Variants in RTL4 observed in about 807,000 individuals in gnomAD.
RTL4 encodes the protein retrotransposon Gag like 4, also known as retrotransposon Gag-like protein 4.
In RTL4, 4 loss-of-function variants were observed where a neutral mutation model predicts 5.3. That is an observed-to-expected ratio of 0.75 (90% CI 0.37 to 1.72). The LOEUF is 1.72. Ranked by LOEUF, RTL4 falls within the 40% of genes most tolerant of loss-of-function variation. The pLI is 0.04. For missense variants in RTL4, 260 were observed against 227.1 expected (o/e 1.14, Z -0.93); for synonymous variants, 98 against 87.3 (o/e 1.12, Z -0.68).
chrX:112,376,586 C>T, the RTL4 span, among the ~76,000 whole-genome samples: 4 of 112,267 alleles, frequency 3.6e-5, no homozygotes, highest in African/African-American at 1.3e-4. Context: ...GGGTACTAGT[C>T]ACTATCATGT....
At chrX:112,267,430 A>G in the RTL4 span, among the ~76,000 whole-genome samples, 7 of 111,280 alleles carry the variant, frequency 6.3e-5, no homozygotes, top group Non-Finnish European at 3.8e-5. Context: ...TTCTTCTCCT[A>G]TCTTACTGGT....
chrX:112,156,019 TTTAGTGG>T, the RTL4 span, among the ~76,000 whole-genome samples: 1 of 112,345 alleles, frequency 8.9e-6, no homozygotes, highest in Non-Finnish European at 1.9e-5. Flanking sequence ...ACTTACAGCA[TTTAGTGG>T]CTATTGGCCA....
At chrX:112,345,814 C>T in the RTL4 span, among the ~76,000 whole-genome samples, 1 of 111,465 alleles carries the variant, frequency 9.0e-6, no homozygotes, top group African/African-American at 3.3e-5. Context: ...CAATTTGACC[C>T]CTAGTTCTGG....
chrX:112,307,309 G>A, the RTL4 span, among the ~76,000 whole-genome samples: 2 of 111,823 alleles, frequency 1.8e-5, no homozygotes, highest in East Asian at 5.6e-4. Context: ...ATTCAGAAAG[G>A]TTAACTTGTC....
chrX:112,455,335 G>T, exon 1 of RTL4: 1 of 1,211,544 alleles, frequency 8.3e-7, no homozygotes, highest in Non-Finnish European at 1.1e-6. Flanking sequence ...TGATATGATG[G>T]ACAATCTTCC....
the RTL4 span, among the ~76,000 whole-genome samples, chrX:112,233,830 A>G: frequency 1.8e-5 from 2 of 111,869 alleles, no homozygotes; most frequent in Non-Finnish European, 3.8e-5. Context: ...TAGACATACA[A>G]CAAGTACCAA....
the RTL4 span, among the ~76,000 whole-genome samples, chrX:112,143,502 A>G: frequency 1.8e-5 from 2 of 111,672 alleles, no homozygotes; most frequent in African/African-American, 3.3e-5. Flanking sequence ...CTTGTTCCCA[A>G]TTAGGATACA....
At chrX:112,204,326 A>C in the RTL4 span, among the ~76,000 whole-genome samples, 4 of 111,648 alleles carry the variant, frequency 3.6e-5, no homozygotes, top group African/African-American at 1.3e-4. Flanking sequence ...CTATATACCC[A>C]AAAAAAAGGA....
the RTL4 span, among the ~76,000 whole-genome samples, chrX:112,169,026 CTCTTTCTTTCTTTCTT>C: frequency 1.0e-4 from 5 of 49,062 alleles, no homozygotes; most frequent in African/African-American, 1.6e-4. Context: ...CTTTCTCTTT[CTCTTTCTTTCTTTCTT>C]TCTTTCTTTC....
the RTL4 span, among the ~76,000 whole-genome samples, chrX:112,350,336 G>C: frequency 9.5e-6 from 1 of 104,806 alleles, no homozygotes; most frequent in South Asian, 4.2e-4. Context: ...TTTTTTGGTT[G>C]TGTCTCTGCC....
chrX:112,352,601 G>C, the RTL4 span, among the ~76,000 whole-genome samples: 1 of 111,246 alleles, frequency 9.0e-6, no homozygotes, highest in African/African-American at 3.3e-5. Context: ...TATTTAATAA[G>C]TGGTGCTGGG....
chrX:112,390,106 A>ATAAT, the RTL4 span, among the ~76,000 whole-genome samples: 1 of 17,387 alleles, frequency 5.8e-5, no homozygotes, highest in African/African-American at 2.2e-4. Context: ...ATTTATATAT[A>ATAAT]ATATATATAT....
chrX:112,418,780 G>A, the RTL4 span, among the ~76,000 whole-genome samples: 2 of 109,289 alleles, frequency 1.8e-5, no homozygotes, highest in East Asian at 2.9e-4. Flanking sequence ...GTAGGGAAGT[G>A]GGGAAAACCT....
At chrX:112,421,356 A>G in the RTL4 span, among the ~76,000 whole-genome samples, 1 of 112,022 alleles carries the variant, frequency 8.9e-6, no homozygotes, top group South Asian at 3.7e-4. Flanking sequence ...ATGCTGGAGA[A>G]TCTAAATAAA....
upstream of RTL4, among the ~76,000 whole-genome samples, chrX:112,452,889 G>A (rs1350181497): frequency 4.5e-5 from 5 of 110,682 alleles, no homozygotes; most frequent in Admixed American, 3.8e-4. Flanking sequence ...AGAATTAGCC[G>A]GGCATGGTGG....
chrX:112,152,093 T>C, the RTL4 span, among the ~76,000 whole-genome samples: 324 of 111,517 alleles, frequency 2.9e-3, no homozygotes, highest in African/African-American at 1.0e-2. Flanking sequence ...CTTCTGTAGT[T>C]GAAATGTTGA....
At chrX:112,227,373 C>A in the RTL4 span, among the ~76,000 whole-genome samples, 1 of 111,603 alleles carries the variant, frequency 9.0e-6, no homozygotes, top group Non-Finnish European at 1.9e-5. Flanking sequence ...TGAATGGCAG[C>A]CAGCCTCAAT....
At chrX:112,380,475 T>C in the RTL4 span, among the ~76,000 whole-genome samples, 1 of 112,123 alleles carries the variant, frequency 8.9e-6, no homozygotes, top group African/African-American at 3.2e-5. Context: ...TTTAAACCTT[T>C]TATCAAAGAG....
At chrX:112,390,428 G>T in the RTL4 span, among the ~76,000 whole-genome samples, 19 of 105,027 alleles carry the variant, frequency 1.8e-4, no homozygotes, top group African/African-American at 6.3e-4. Context: ...GTCCAGCCTG[G>T]GTGACACGGT....
Sources: allele counts gnomAD v4.1 joint callset (sites outside exome capture counted in the v4.1 genomes callset), GRCh38; gene constraint gnomAD v4.1.1; transcripts MANE v1.5; gene names NCBI Gene and HGNC (gene_info 2026-07-23, HGNC 2026-07-21).